AFAP1: variants seen among roughly 807,000 people sequenced by gnomAD.
AFAP1 encodes actin filament-associated protein 1.
AFAP1 carries 75 observed loss-of-function variants against 93.9 expected under a neutral mutation model. The ratio of observed to expected loss-of-function variants is 0.80; its 90% confidence interval spans 0.66 to 0.97. AFAP1 has a LOEUF of 0.97. Ranked by LOEUF, AFAP1 falls within the 50% of genes least tolerant of loss-of-function variation. The probability of loss-of-function intolerance (pLI) is 0.00; values close to 1 mark genes in which losing one functional copy is unlikely to be tolerated. For missense variants in AFAP1, 1,201 were observed against 1,050.8 expected, an observed-to-expected ratio of 1.14 and a Z score of -1.98; for synonymous variants, 517 against 430.7, an observed-to-expected ratio of 1.20 and a Z score of -2.48.
At chr4:7,767,703 G>A (rs1301960931) in intron 17 of AFAP1, among the ~76,000 whole-genome samples, 1 of 152,140 alleles carries the variant, frequency 6.6e-6, no homozygotes, top group Non-Finnish European at 1.5e-5. Context: ...GCACCCCAGA[G>A]AGCACAGCAG....
chr4:7,775,032 T>A, intron 14 of AFAP1, 129 bp from the exon 15 acceptor site: 2 of 1,128,934 alleles, frequency 1.8e-6, no homozygotes, highest in East Asian at 2.4e-5. Context: ...TCCCAGCTAC[T>A]CAGGAAGCTG....
intron 9 of AFAP1, among the ~76,000 whole-genome samples, chr4:7,809,011 C>CAACA (rs1472131355): frequency 6.6e-6 from 1 of 152,140 alleles, no homozygotes; most frequent in East Asian, 1.9e-4. Flanking sequence ...CCTTTGGCAG[C>CAACA]AACAGGAAAG....
chr4:7,786,332 T>TA (rs773934098), intron 11 of AFAP1, 21 bp from the exon 12 acceptor site: 1 of 1,590,676 alleles, frequency 6.3e-7, no homozygotes, highest in Non-Finnish European at 8.6e-7. Flanking sequence ...GGAAATGCGT[T>TA]AAAATCCATA....
chr4:7,853,697 G>A (rs1275211652), intron 4 of AFAP1, among the ~76,000 whole-genome samples: 5 of 152,172 alleles, frequency 3.3e-5, no homozygotes, highest in African/African-American at 9.7e-5. Flanking sequence ...ACCCACGCAG[G>A]TTTCACAAAA....
intron 8 of AFAP1, among the ~76,000 whole-genome samples, chr4:7,812,233 G>A (rs915313763): frequency 6.6e-6 from 1 of 152,054 alleles, no homozygotes; most frequent in Non-Finnish European, 1.5e-5. Context: ...AGGACAGCCC[G>A]AGTGCCCGGG....
At chr4:7,784,116 C>G (rs1272130138) in intron 12 of AFAP1, among the ~76,000 whole-genome samples, 1 of 152,106 alleles carries the variant, frequency 6.6e-6, no homozygotes, top group East Asian at 1.9e-4. Context: ...GCAGGAAGAA[C>G]TCGCACAAGC....
At chr4:7,913,722 C>A (rs1719905659) in intron 1 of AFAP1, among the ~76,000 whole-genome samples, 1 of 152,114 alleles carries the variant, frequency 6.6e-6, no homozygotes, top group African/African-American at 2.4e-5. Flanking sequence ...CTAAAGCAAG[C>A]CTAAAGTTTT....
chr4:7,775,592 G>T (rs951385516), intron 14 of AFAP1: 2 of 148,958 alleles, frequency 1.3e-5, no homozygotes, highest in African/African-American at 2.6e-5. Context: ...CACCCGGCAC[G>T]GAGTGTGGCA....
At chr4:7,922,683 TAAC>T (rs1720503060) in intron 1 of AFAP1, among the ~76,000 whole-genome samples, 1 of 152,156 alleles carries the variant, frequency 6.6e-6, no homozygotes, top group Non-Finnish European at 1.5e-5. Context: ...TCCTTGATCT[TAAC>T]AATGAAAAAT....
chr4:7,930,207 G>A (rs747011326), intron 1 of AFAP1, among the ~76,000 whole-genome samples: 4 of 152,182 alleles, frequency 2.6e-5, no homozygotes, highest in African/African-American at 7.2e-5. Flanking sequence ...TGCAAGAGAC[G>A]CACAGGGCAC....
At chr4:7,898,300 C>A (rs970803746) in intron 1 of AFAP1, among the ~76,000 whole-genome samples, 1 of 151,934 alleles carries the variant, frequency 6.6e-6, no homozygotes, top group Non-Finnish European at 1.5e-5. Flanking sequence ...CCCAGCTATT[C>A]GGGAGGCTGA....
rs139403297 is a variant in AFAP1 at position 7,799,143 on chromosome 4, C to T, written c.1266+1299G>A. 763 of 961,034 alleles carry T rather than the reference C, an allele frequency of 7.9e-4. 3 individuals are homozygous for T. The African/African-American group carries it at 0.013, about 16-fold the overall frequency. 59.5% of individuals were successfully genotyped at this position (961,034 alleles called of 1,614,324 possible). A position where few individuals can be genotyped will look rare whatever the true frequency, so the allele number is the denominator to read the frequency against. On this transcript the variant is annotated intron_variant, in intron 10 of 17. Coordinates refer to ENST00000420658, the MANE Select transcript of AFAP1 (RefSeq NM_001134647.2). ...GCTGAGAGAGAACAAAAGCTTTGGCCGTGGTCAGGGTCTGCACAGAGCTGA... is the reference window on the plus strand; with the variant it reads ...GCTGAGAGAGAACAAAAGCTTTGGCTGTGGTCAGGGTCTGCACAGAGCTGA...
At chr4:7,865,431 T>C (rs542668672) in intron 3 of AFAP1, among the ~76,000 whole-genome samples, 11 of 152,336 alleles carry the variant, frequency 7.2e-5, no homozygotes, top group African/African-American at 1.4e-4. Context: ...TATACCTTTT[T>C]AAAATTTTCT....
chr4:7,897,853 C>G (rs1322242130), intron 1 of AFAP1, among the ~76,000 whole-genome samples: 5 of 152,158 alleles, frequency 3.3e-5, no homozygotes, highest in African/African-American at 7.2e-5. Flanking sequence ...CGTGGCATCT[C>G]TTTTTGGACC....
chr4:7,798,036 A>T (rs1248054031), intron 10 of AFAP1, among the ~76,000 whole-genome samples: 8 of 152,228 alleles, frequency 5.3e-5, no homozygotes. Flanking sequence ...ATCTCAAAAC[A>T]AAAGTTAAAA....
intron 8 of AFAP1, among the ~76,000 whole-genome samples, chr4:7,810,707 T>C (rs1719940098): frequency 1.3e-5 from 2 of 152,178 alleles, no homozygotes; most frequent in Non-Finnish European, 2.9e-5. Context: ...CTGGCTTCCT[T>C]TGAAAGATGG....
chr4:7,793,402 G>C (rs1471591998), intron 11 of AFAP1, among the ~76,000 whole-genome samples: 1 of 152,222 alleles, frequency 6.6e-6, no homozygotes, highest in African/African-American at 2.4e-5. Context: ...TGCAGCGGGA[G>C]CTGAGTGGTT....
At chr4:7,829,021 G>C (rs1345369348) in intron 6 of AFAP1, among the ~76,000 whole-genome samples, 2 of 152,216 alleles carry the variant, frequency 1.3e-5, no homozygotes, top group East Asian at 1.9e-4. Context: ...GCTCTCAGGA[G>C]ATCTGATGCT....
chr4:7,864,440 A>T (rs1308170227), intron 3 of AFAP1, among the ~76,000 whole-genome samples: 1 of 152,232 alleles, frequency 6.6e-6, no homozygotes, highest in African/African-American at 2.4e-5. Flanking sequence ...ATTAAGGCAA[A>T]CTTAATGTAC....
Sources: gnomAD v4.1 joint callset for allele counts (sites outside exome capture counted in the v4.1 genomes callset) on GRCh38, gnomAD v4.1.1 for gene constraint, MANE v1.5 for transcripts, NCBI Gene and HGNC (gene_info 2026-07-23, HGNC 2026-07-21) for gene names.